The following GALNT11 variants were observed in gnomAD, a reference collection of about 807,000 sequenced individuals.
The protein encoded by GALNT11 is UDP-GalNAc:polypeptide N-acetylgalactosaminyltransferase 11.
Under a neutral mutation model 72.7 loss-of-function variants are expected in GALNT11, and 47 were observed. The ratio of observed to expected loss-of-function variants is 0.65; its 90% CI spans 0.51 to 0.82. The LOEUF (loss-of-function observed/expected upper bound fraction) is 0.82. Among genes scored for constraint, GALNT11 ranks in the 40% least tolerant of loss-of-function variants. The pLI is 0.00. For missense variants in GALNT11, 677 were observed against 778.4 expected (o/e 0.87, Z 1.55); for synonymous variants, 270 against 286.6 (o/e 0.94, Z 0.58).
intron 1 of GALNT11, among the ~76,000 whole-genome samples, chr7:152,085,040 C>T (rs564526303): frequency 1.3e-5 from 2 of 152,292 alleles, no homozygotes; most frequent in East Asian, 3.9e-4. Flanking sequence ...ATTATTTGGC[C>T]ACACCAGGTC....
At chr7:152,075,627 A>G (rs1035468525) in intron 1 of GALNT11, among the ~76,000 whole-genome samples, 1 of 152,098 alleles carries the variant, frequency 6.6e-6, no homozygotes, top group Non-Finnish European at 1.5e-5. Flanking sequence ...ACCAACATGG[A>G]GAAACTCCGT....
rs923984981 is a variant in GALNT11 at position 152,094,732 on chromosome 7, G to A, written c.295+210G>A. ...CAGTTCTGACTTCAGTATCTTATGAGAAAACAAACAAGGTCCAGGGAAGAA... is the reference window on the plus strand; with the variant it reads ...CAGTTCTGACTTCAGTATCTTATGAAAAAACAAACAAGGTCCAGGGAAGAA... On this transcript the variant is annotated intron_variant, in intron 2 of 11. Coordinates refer to ENST00000430044, the MANE Select transcript of GALNT11 (RefSeq NM_022087.4). This position sits in a 1 kb window ranked among gnomAD's most constrained non-coding sequence, Gnocchi z 4.3. Among the ~76,000 whole-genome samples, 3 of 152,164 alleles carry A rather than the reference G, an allele frequency of 2.0e-5. No homozygotes were observed. The highest frequency in any genetic ancestry group is 7.2e-5 in the African/African-American group (3 of 41,438).
chr7:152,103,284 G>A lies in GALNT11; in HGVS notation c.586+6G>A, dbSNP rs528603063. ...GGATGATGATAGTGACTTTGGTAAGGAATGCTGCACCTGGTAACATTGGAT... is the reference window on the plus strand; with the variant it reads ...GGATGATGATAGTGACTTTGGTAAGAAATGCTGCACCTGGTAACATTGGAT... On this transcript the variant is annotated splice_donor_region_variant and intron_variant, in intron 4 of 11. Coordinates refer to ENST00000430044, the MANE Select transcript of GALNT11 (RefSeq NM_022087.4). 1.2e-6 allele frequency: 2 copies of A among 1,611,052 alleles called. No individual in the cohort carries two copies. The highest frequency in any genetic ancestry group is 1.3e-5 in the African/African-American group (1 of 74,872).
chr7:152,052,597 A>G (rs1441363105), intron 1 of GALNT11, among the ~76,000 whole-genome samples: 2 of 152,096 alleles, frequency 1.3e-5, no homozygotes, highest in East Asian at 1.9e-4. Context: ...TAGCTTCTCT[A>G]TAAATCTTTG....
At chr7:152,027,272 G>A (rs548306600) in intron 1 of GALNT11, among the ~76,000 whole-genome samples, 6 of 152,170 alleles carry the variant, frequency 3.9e-5, no homozygotes, top group Non-Finnish European at 5.9e-5. Context: ...TTTAATTTTT[G>A]TGGGTACATA....
chr7:152,116,365 C>G (rs2088851364), intron 8 of GALNT11, among the ~76,000 whole-genome samples: 1 of 152,058 alleles, frequency 6.6e-6, no homozygotes, highest in Non-Finnish European at 1.5e-5. Context: ...ATTCTGCAGC[C>G]TCGGCCCCCA....
chr7:152,097,771 T>A (rs1196934498), intron 2 of GALNT11, among the ~76,000 whole-genome samples: 1 of 152,230 alleles, frequency 6.6e-6, no homozygotes, highest in African/African-American at 2.4e-5. Context: ...GTTGTAGGGT[T>A]CCTTTATGTG....
chr7:152,094,491 A>C lies in GALNT11; in HGVS notation c.264A>C (p.Glu88Asp), dbSNP rs139026724. 5.1e-4 allele frequency: 829 copies of C among 1,612,208 alleles called. 3 individuals are homozygous for C. In the African/African-American group the frequency reaches 9.2e-3, roughly 18 times the overall value. Residue 88 changes from glutamate (E) to aspartate (D), a missense_variant, in exon 2 of 12, where the codon GAA becomes GAC. Coordinates refer to ENST00000430044, the MANE Select transcript of GALNT11 (RefSeq NM_022087.4). The surrounding 1 kb of genome is among the most constrained non-coding windows in gnomAD (Gnocchi z 4.3). ...DVIDSRVEDP[E>D]EGHLKFSSEL... ...TAGACAGTCGTGTTGAAGATCCAGA[A>C]GAAGGCCACTTGAAATTCTCTTCTG... is the stretch of plus-strand genomic sequence containing the variant.
At chr7:152,101,580 G>A (rs2086889504) in intron 3 of GALNT11, among the ~76,000 whole-genome samples, 2 of 149,588 alleles carry the variant, frequency 1.3e-5, no homozygotes, top group Non-Finnish European at 3.0e-5. Context: ...CTGGAGGGCT[G>A]TGTGTGCCCT....
chr7:152,108,348 G>A, intron 6 of GALNT11, 61 bp downstream of exon 6: 1 of 1,536,308 alleles, frequency 6.5e-7, no homozygotes, highest in Non-Finnish European at 8.8e-7. Context: ...AGAACAAAAT[G>A]ATATTAAAGA....
intron 2 of GALNT11, among the ~76,000 whole-genome samples, chr7:152,098,566 A>G (rs1469691721): frequency 1.3e-5 from 2 of 152,196 alleles, no homozygotes; most frequent in Admixed American, 1.3e-4. Flanking sequence ...GAGTAGGGGA[A>G]TAAGAAAAGT....
chr7:152,028,074 A>T (rs531947632), intron 1 of GALNT11, among the ~76,000 whole-genome samples: 1 of 152,244 alleles, frequency 6.6e-6, no homozygotes. Context: ...GTTACAGCTC[A>T]TAAAGTTAGT....
chr7:152,047,276 GC>G, intron 1 of GALNT11, among the ~76,000 whole-genome samples: 1 of 152,062 alleles, frequency 6.6e-6, no homozygotes. Flanking sequence ...TTCAAGACCA[GC>G]CTGGCTAACA....
intron 1 of GALNT11, among the ~76,000 whole-genome samples, chr7:152,048,375 A>T (rs774997560): frequency 9.9e-5 from 15 of 151,954 alleles, no homozygotes; most frequent in Non-Finnish European, 2.2e-4. Flanking sequence ...ACATTGAAGC[A>T]GTCTTATTTG....
chr7:152,116,856 A>G, intron 8 of GALNT11: 2 of 528,730 alleles, frequency 3.8e-6, no homozygotes, highest in Middle Eastern at 2.9e-4. Context: ...AGGAATTAAT[A>G]ATTTGTAGGT....
At chr7:152,039,990 C>T (rs2082774061) in intron 1 of GALNT11, among the ~76,000 whole-genome samples, 1 of 152,002 alleles carries the variant, frequency 6.6e-6, no homozygotes, top group Non-Finnish European at 1.5e-5. Context: ...TCCATTTCCC[C>T]CTTTCTGTTT....
rs1378987939 is a variant in GALNT11 at position 152,060,700 on chromosome 7, A to G, written c.-38-33490A>G. On this transcript the variant is annotated intron_variant, in intron 1 of 11. Coordinates refer to ENST00000430044, the MANE Select transcript of GALNT11 (RefSeq NM_022087.4). ...CAAGTGTTCTCATTGTTCAATTCCCACCTATGAGTGAGAACATGCGGTGTT... is the reference window on the plus strand; with the variant it reads ...CAAGTGTTCTCATTGTTCAATTCCCGCCTATGAGTGAGAACATGCGGTGTT... Among the ~76,000 whole-genome samples the G allele has an allele frequency of 2.8e-5, 4 of 145,268 alleles. No individual in the cohort carries two copies. In the East Asian group the frequency reaches 8.1e-4, roughly 29 times the overall value.
At chr7:152,054,652 C>T (rs1186603045) in intron 1 of GALNT11, among the ~76,000 whole-genome samples, 1 of 151,630 alleles carries the variant, frequency 6.6e-6, no homozygotes, top group Non-Finnish European at 1.5e-5. Context: ...GCTGGGAACA[C>T]AGGTGCACAG....
chr7:152,041,941 G>A (rs911470689), intron 1 of GALNT11, among the ~76,000 whole-genome samples: 3 of 152,210 alleles, frequency 2.0e-5, no homozygotes, highest in Admixed American at 2.0e-4. Flanking sequence ...TAAGCCAGCA[G>A]GAGAAATTGA....
Sources: gnomAD v4.1 joint callset for allele counts (sites outside exome capture counted in the v4.1 genomes callset) on GRCh38, gnomAD v4.1.1 for gene constraint, Gnocchi (gnomAD v3.1) non-coding constraint, MANE v1.5 for transcripts, NCBI Gene and HGNC (gene_info 2026-07-23, HGNC 2026-07-21) for gene names.